Variants in TIAM1 observed in about 807,000 individuals in gnomAD.
The protein encoded by TIAM1 is rho guanine nucleotide exchange factor TIAM1.
Under a neutral mutation model 163.5 loss-of-function variants are expected in TIAM1, and 65 were observed. That is an observed-to-expected ratio of 0.40 (90% CI 0.33 to 0.49). The LOEUF is 0.49. Ranked by LOEUF, TIAM1 falls within the 20% of genes least tolerant of loss-of-function variation. TIAM1 has a pLI of 0.77. For synonymous variants in TIAM1, 833 were observed against 810.1 expected (o/e 1.03, Z -0.48); for missense variants, 1,789 against 2,044.7 (o/e 0.87, Z 2.41).
At chr21:31,188,381 C>T (rs1038327408) in intron 13 of TIAM1, among the ~76,000 whole-genome samples, 2 of 152,072 alleles carry the variant, frequency 1.3e-5, no homozygotes, top group Non-Finnish European at 2.9e-5. Context: ...TATTTTTACA[C>T]AAGAACCATT....
chr21:31,249,819 C>T (rs889769344), intron 5 of TIAM1, among the ~76,000 whole-genome samples: 7 of 152,240 alleles, frequency 4.6e-5, no homozygotes, highest in African/African-American at 1.7e-4. Flanking sequence ...CGATGCACAT[C>T]TATGTCTCAT....
chr21:31,260,659 T>C (rs568762774), intron 4 of TIAM1, among the ~76,000 whole-genome samples: 1 of 148,116 alleles, frequency 6.8e-6, no homozygotes, highest in South Asian at 2.1e-4. Flanking sequence ...AATATCTCAT[T>C]GCTTAACTTA....
chr21:31,399,667 G>A (rs896206499), intron 2 of TIAM1, among the ~76,000 whole-genome samples: 1 of 152,186 alleles, frequency 6.6e-6, no homozygotes, highest in Non-Finnish European at 1.5e-5. Context: ...GTTACAAAGA[G>A]GTGTTATCTG....
chr21:31,414,802 G>A (rs1188460553), intron 2 of TIAM1, among the ~76,000 whole-genome samples: 2 of 152,178 alleles, frequency 1.3e-5, no homozygotes, highest in Non-Finnish European at 2.9e-5. Flanking sequence ...AAGAGGAACT[G>A]GAAAAAGGTC....
chr21:31,231,687 T>C (rs1050334412), intron 6 of TIAM1, among the ~76,000 whole-genome samples: 1 of 152,116 alleles, frequency 6.6e-6, no homozygotes, highest in African/African-American at 2.4e-5. Flanking sequence ...AATGTTGTTA[T>C]GTAATGGGGA....
At chr21:31,444,954 C>T (rs183565884) in intron 2 of TIAM1, among the ~76,000 whole-genome samples, 4 of 151,916 alleles carry the variant, frequency 2.6e-5, no homozygotes, top group Non-Finnish European at 4.4e-5. Context: ...GCTGAGATCA[C>T]GCCATTGCAC....
chr21:31,528,318 C>T (rs1471598076), intron 1 of TIAM1, among the ~76,000 whole-genome samples: 2 of 151,530 alleles, frequency 1.3e-5, no homozygotes, highest in African/African-American at 4.9e-5. Context: ...AGTCCAAGAC[C>T]AGCCTGAGCA....
In TIAM1 at chr21:31,222,676, CATATATATAT is replaced by C. The variant is rs146567405; in HGVS notation, c.1995+720_1995+729del. On this transcript the variant is annotated intron_variant, in intron 8 of 27. Coordinates refer to ENST00000541036, the MANE Select transcript of TIAM1 (RefSeq NM_001353694.2). ...GTATATATACATACATGTACACATA[CATATATATAT>C]ATATATATATATATATATATATTTT... 3.8e-3 allele frequency among the ~76,000 whole-genome samples: 181 copies of C among 48,224 alleles called. 2 individuals carry two copies. Among genetic ancestry groups the C allele is most frequent in the Middle Eastern group, 0.015 (1 of 68 alleles). The allele number at this position is 48,224 out of a possible 152,430, so 31.6% of individuals were successfully genotyped here.
At chr21:31,430,225 A>AAAT (rs1555978198) in intron 2 of TIAM1, among the ~76,000 whole-genome samples, 17 of 90,246 alleles carry the variant, frequency 1.9e-4, no homozygotes, top group Admixed American at 4.3e-4. Context: ...AAAAAAAAAA[A>AAAT]ATATATATAT....
chr21:31,277,271 C>G (rs941241646), intron 2 of TIAM1, among the ~76,000 whole-genome samples: 5 of 152,194 alleles, frequency 3.3e-5, no homozygotes, highest in African/African-American at 1.2e-4. Context: ...TCTGGTCATC[C>G]TCACTGCTAC....
intron 2 of TIAM1, among the ~76,000 whole-genome samples, chr21:31,396,810 G>T (rs1320674239): frequency 6.6e-6 from 1 of 151,774 alleles, no homozygotes; most frequent in African/African-American, 2.4e-5. Context: ...AATTAGCCGG[G>T]CCTGGTAGCA....
At chr21:31,219,218 A>G (rs2087407899) in intron 8 of TIAM1, among the ~76,000 whole-genome samples, 1 of 147,786 alleles carries the variant, frequency 6.8e-6, no homozygotes, top group East Asian at 1.9e-4. Flanking sequence ...TCAGGCTTGA[A>G]CTTTATCCTA....
At chr21:31,528,737 G>A (rs2047868401) in intron 1 of TIAM1, among the ~76,000 whole-genome samples, 3 of 150,426 alleles carry the variant, frequency 2.0e-5, no homozygotes, top group Non-Finnish European at 3.0e-5. Context: ...CCCGGGAGGC[G>A]GAGGTTGCAG....
chr21:31,321,982 G>A (rs573431293), intron 2 of TIAM1, among the ~76,000 whole-genome samples: 1 of 152,200 alleles, frequency 6.6e-6, no homozygotes, highest in South Asian at 2.1e-4. Flanking sequence ...GAACTTGGGA[G>A]GCAGAAGTGG....
intron 11 of TIAM1, among the ~76,000 whole-genome samples, chr21:31,203,340 C>G (rs2086297500): frequency 6.6e-6 from 1 of 152,204 alleles, no homozygotes; most frequent in Admixed American, 6.5e-5. Flanking sequence ...CCAGGCTGGT[C>G]TCGAACTCCT....
chr21:31,377,945 T>C (rs2076715608), intron 2 of TIAM1, among the ~76,000 whole-genome samples: 1 of 151,908 alleles, frequency 6.6e-6, no homozygotes, highest in Non-Finnish European at 1.5e-5. Context: ...AAGACCTGCC[T>C]GACCAACATG....
intron 14 of TIAM1, among the ~76,000 whole-genome samples, chr21:31,185,660 T>C (rs900023107): frequency 6.8e-6 from 1 of 146,410 alleles, no homozygotes; most frequent in African/African-American, 2.5e-5. Flanking sequence ...TTATAATAAT[T>C]ACAATATCAT....
intron 1 of TIAM1, among the ~76,000 whole-genome samples, chr21:31,526,322 G>T (rs575869786): frequency 2.0e-5 from 3 of 152,194 alleles, no homozygotes; most frequent in East Asian, 3.9e-4. Context: ...GAGGTCAAAG[G>T]CTCCACTGAC....
chr21:31,322,931 G>A (rs537254300), intron 2 of TIAM1, among the ~76,000 whole-genome samples: 2 of 152,262 alleles, frequency 1.3e-5, no homozygotes, highest in South Asian at 4.1e-4. Flanking sequence ...CAGGGAACTC[G>A]GTTCCTTGGT....
Sources: allele counts gnomAD v4.1 joint callset (sites outside exome capture counted in the v4.1 genomes callset), GRCh38; gene constraint gnomAD v4.1.1; transcripts MANE v1.5; gene names NCBI Gene and HGNC (gene_info 2026-07-23, HGNC 2026-07-21).